BCO2: variants seen among roughly 807,000 people sequenced by gnomAD.
BCO2 encodes the protein beta-carotene oxygenase 2, also known as carotenoid-cleaving dioxygenase, mitochondrial.
A neutral mutation model predicts 65.8 loss-of-function variants in BCO2; 56 were observed. That is an observed-to-expected ratio of 0.85 (90% CI 0.69 to 1.06). The LOEUF (loss-of-function observed/expected upper bound fraction) is 1.06, where lower values mean the gene tolerates loss of function less well. Among genes scored for constraint, BCO2 ranks in the 50% least tolerant of loss-of-function variants. The probability of loss-of-function intolerance (pLI) is 0.00; values close to 1 mark genes in which losing one functional copy is unlikely to be tolerated. For synonymous variants in BCO2, 233 were observed against 242.3 expected (o/e 0.96, Z 0.36); for missense variants, 675 against 698.5 (o/e 0.97, Z 0.38).
intron 2 of BCO2, among the ~76,000 whole-genome samples, chr11:112,190,445 C>T (rs1309040698): frequency 6.6e-6 from 1 of 152,100 alleles, no homozygotes; most frequent in Non-Finnish European, 1.5e-5. Flanking sequence ...TTCATTAATA[C>T]AATACAAATA....
chr11:112,184,028 A>T (rs1423546285), intron 2 of BCO2, among the ~76,000 whole-genome samples: 1 of 152,226 alleles, frequency 6.6e-6, no homozygotes, highest in African/African-American at 2.4e-5. Flanking sequence ...TTTCTCATAC[A>T]ATCATCACAA....
At chr11:112,216,532 G>A (rs1398405588) in intron 11 of BCO2, among the ~76,000 whole-genome samples, 11 of 152,082 alleles carry the variant, frequency 7.2e-5, no homozygotes, top group Admixed American at 7.2e-4. Flanking sequence ...ATAACAATTT[G>A]TATTTGCAAA....
intron 2 of BCO2, chr11:112,180,638 C>A: frequency 1.5e-6 from 1 of 671,054 alleles, no homozygotes. Context: ...TGTGGTGTGT[C>A]CCCAAGGGCA....
intron 8 of BCO2, among the ~76,000 whole-genome samples, chr11:112,213,061 C>T (rs978961217): frequency 4.0e-5 from 6 of 151,748 alleles, no homozygotes; most frequent in Admixed American, 3.3e-4. Context: ...AAGGAAAGCA[C>T]CCTTTGTTAC....
At chr11:112,179,518 T>G (rs745962157) in intron 2 of BCO2, 36 bp downstream of exon 2, 1 of 1,567,606 alleles carries the variant, frequency 6.4e-7, no homozygotes, top group Non-Finnish European at 8.8e-7. Flanking sequence ...TTGGATTTCT[T>G]GGCATGGGCT....
At chr11:112,205,920 G>C (rs1219907393) in intron 8 of BCO2, among the ~76,000 whole-genome samples, 1 of 152,078 alleles carries the variant, frequency 6.6e-6, no homozygotes, top group Non-Finnish European at 1.5e-5. Context: ...AGAAATGACT[G>C]TTCAGGTCCA....
chr11:112,211,063 C>A (rs1349633359), intron 8 of BCO2, among the ~76,000 whole-genome samples: 1 of 152,002 alleles, frequency 6.6e-6, no homozygotes. Context: ...ACATTTTCAT[C>A]ATCTCAAACA....
chr11:112,176,961 A>T (rs1866904012), intron 1 of BCO2, among the ~76,000 whole-genome samples: 1 of 152,200 alleles, frequency 6.6e-6, no homozygotes, highest in Non-Finnish European at 1.5e-5. Flanking sequence ...TTAATGTCAA[A>T]TTCTATGGAA....
intron 2 of BCO2, among the ~76,000 whole-genome samples, chr11:112,190,578 T>A (rs1867345540): frequency 6.6e-6 from 1 of 152,084 alleles, no homozygotes. Context: ...AGGGTTTGGC[T>A]GGGCGCAGTG....
At chr11:112,196,399 CT>C (rs1293136600) in intron 5 of BCO2, among the ~76,000 whole-genome samples, 1 of 152,120 alleles carries the variant, frequency 6.6e-6, no homozygotes, top group Non-Finnish European at 1.5e-5. Context: ...CAGTAAAATG[CT>C]TGCTAGTAAT....
chr11:112,213,654 G>A (rs1859574710), intron 8 of BCO2, 70 bp from the exon 9 acceptor site: 6 of 1,413,518 alleles, frequency 4.2e-6, no homozygotes, highest in South Asian at 2.4e-5. Context: ...ATGTTGACTG[G>A]ATCTAAATTA....
chr11:112,179,545 C>G, intron 2 of BCO2, 63 bp downstream of exon 2: 3 of 1,364,616 alleles, frequency 2.2e-6, no homozygotes, highest in Non-Finnish European at 3.1e-6. Context: ...GTGGAATATG[C>G]ATTAATATCT....
intron 2 of BCO2, among the ~76,000 whole-genome samples, chr11:112,186,146 C>T (rs375298778): frequency 1.3e-5 from 2 of 152,316 alleles, no homozygotes; most frequent in South Asian, 4.1e-4. Context: ...GGAGAAACTT[C>T]TAATCCAGCT....
At chr11:112,202,305 C>A in intron 8 of BCO2, 115 bp downstream of exon 8, 1 of 965,914 alleles carries the variant, frequency 1.0e-6, no homozygotes, top group Non-Finnish European at 1.5e-6. Flanking sequence ...TCTTTTGAGA[C>A]TGAGTCTTGC....
chr11:112,198,385 T>C (rs1433120929), intron 5 of BCO2, among the ~76,000 whole-genome samples: 1 of 152,078 alleles, frequency 6.6e-6, no homozygotes, highest in East Asian at 1.9e-4. Context: ...TTTGCATATT[T>C]CTGTATACAA....
At chr11:112,192,945 A>T (rs1413363979) in intron 2 of BCO2, among the ~76,000 whole-genome samples, 15 of 5,306 alleles carry the variant, frequency 2.8e-3, no homozygotes, top group East Asian at 8.2e-3. Context: ...TTTTTTTTTG[A>T]CAGGGGTAAG....
At chr11:112,202,236 C>T in intron 8 of BCO2, 46 bp downstream of exon 8, 1 of 1,529,058 alleles carries the variant, frequency 6.5e-7, no homozygotes, top group Non-Finnish European at 8.9e-7. Flanking sequence ...ATTTTGAACT[C>T]CAAGATCTGG....
rs920053456 is a variant in BCO2 at position 112,211,577 on chromosome 11, A to G, written c.1195-2147A>G. On this transcript the variant is annotated intron_variant, in intron 8 of 11. Transcript: ENST00000357685. ...ACGGTGGCCACAGCATTTTTCTACC[A>G]TCAGCAATGCACAAGAGTTCCAGTT... Among the ~76,000 whole-genome samples, 5 of 152,116 alleles carry G rather than the reference A, an allele frequency of 3.3e-5. No individual in the cohort carries two copies. In the South Asian group the frequency reaches 1.0e-3, roughly 32 times the overall value.
At chr11:112,208,152 G>T (rs1358792676) in intron 8 of BCO2, among the ~76,000 whole-genome samples, 2 of 151,926 alleles carry the variant, frequency 1.3e-5, no homozygotes, top group Non-Finnish European at 2.9e-5. Flanking sequence ...GGTAGAGATG[G>T]GGTTTCACCA....
Sources: allele counts gnomAD v4.1 joint callset (sites outside exome capture counted in the v4.1 genomes callset), GRCh38; gene constraint gnomAD v4.1.1; transcripts MANE v1.5; gene names NCBI Gene and HGNC (gene_info 2026-07-23, HGNC 2026-07-21).